The following OBSL1 variants were observed in gnomAD, a reference collection of about 807,000 sequenced individuals.
The protein encoded by OBSL1 is obscurin-like protein 1.
A neutral mutation model predicts 172.0 loss-of-function variants in OBSL1; 160 were observed. That is an observed-to-expected ratio of 0.93 (90% CI 0.82 to 1.06). The LOEUF is 1.06. Ranked by LOEUF, OBSL1 falls within the 50% of genes least tolerant of loss-of-function variation. OBSL1 has a pLI of 0.00. For missense variants in OBSL1, 2,681 were observed against 2,715.4 expected (o/e 0.99, Z 0.28); for synonymous variants, 1,200 against 1,196.3 (o/e 1.00, Z -0.06).
At chr2:219,558,660 A>G (rs1268695296) in intron 9 of OBSL1, among the ~76,000 whole-genome samples, 1 of 152,210 alleles carries the variant, frequency 6.6e-6, no homozygotes, top group Non-Finnish European at 1.5e-5. Context: ...ACCACCCTCA[A>G]GAGGTGCACA....
chr2:219,555,102 T>G (rs981927783), intron 14 of OBSL1: 42 of 258,606 alleles, frequency 1.6e-4, no homozygotes, highest in Non-Finnish European at 2.7e-4. Context: ...CTTTGGCAAA[T>G]GGCCTGACCT....
chr2:219,559,182 C>A (rs763535912), intron 9 of OBSL1, 43 bp downstream of exon 9: 3 of 1,551,434 alleles, frequency 1.9e-6, no homozygotes, highest in Non-Finnish European at 2.6e-6. Context: ...TCCCTTAGCC[C>A]CCTACCTCTC....
rs1447009211 is a variant in OBSL1, at chr2:219,567,336, T to C, written c.1774A>G (p.Ile592Val). 8.1e-6 allele frequency: 13 copies of C among 1,610,694 alleles called. No individual in the cohort carries two copies. The Admixed American group carries it at 1.2e-4, about 14-fold the overall frequency. Residue 592 changes from isoleucine to valine, a missense_variant, in exon 4 of 21, where the codon ATC (isoleucine) becomes GTC (valine). By Grantham distance (29) the Ile-to-Val change is conservative. Transcript: ENST00000404537. Reference protein sequence around the residue: ...VPSEGDYRFRICTVSGHGRSP... With the variant: ...VPSEGDYRFRVCTVSGHGRSP... The stretch of plus-strand genomic sequence containing the variant: ...CGGCCATGTCCGCTGACTGTGCAGA[T>C]GCGGAAGCGGTAGTCACCCTCGGAG...
chr2:219,567,345 G>C lies in OBSL1; in HGVS notation c.1765C>G (p.Arg589Gly), dbSNP rs751111284. The C allele has an allele frequency of 2.4e-5, 39 of 1,611,164 alleles. No individual in the cohort carries two copies. The highest frequency in any genetic ancestry group is 1.6e-4 in the Middle Eastern group (1 of 6,068). The change falls in exon 4 of 21, where the codon CGC becomes GGC. Residue 589 changes from arginine to glycine, a missense_variant. Arg to Gly is a moderately radical substitution (Grantham distance 125). Around this residue, in one of 5 missense-constraint regions of OBSL1, gnomAD observed 706 missense variants for 695.8 expected, o/e 1.01. Coordinates refer to ENST00000404537, the MANE Select transcript of OBSL1 (RefSeq NM_015311.3). ...GDCVPSEGDY[R>G]FRICTVSGHG... ...CCGCTGACTGTGCAGATGCGGAAGC[G>C]GTAGTCACCCTCGGAGGGCACACAG...
chr2:219,567,897 G>A lies in OBSL1; in HGVS notation c.1355C>T (p.Thr452Ile), dbSNP rs1247706787. 63 of 1,613,902 alleles carry A rather than the reference G, an allele frequency of 3.9e-5. No homozygotes were observed. The highest frequency in any genetic ancestry group is 5.3e-5 in the Non-Finnish European group (63 of 1,179,898). ...EGENAVLLVE[T>I]LEAGVEGRWS... ...GCGTCCCTCGACCCCGGCCTCTAGA[G>A]TTTCCACTAGCAGCACAGCATTCTC... is the stretch of plus-strand genomic sequence containing the variant. Residue 452 changes from threonine (T) to isoleucine (I), a missense_variant, in exon 3 of 21, where the codon ACT (threonine) becomes ATT (isoleucine). Thr to Ile is a moderately conservative substitution (Grantham distance 89). Coordinates refer to ENST00000404537, the MANE Select transcript of OBSL1 (RefSeq NM_015311.3).
At position 219,552,860 on chromosome 2, in the gene OBSL1, G is replaced by A. The variant is rs1379516660; in HGVS notation, c.5146+8C>T. On this transcript the variant is annotated splice_region_variant and intron_variant, in intron 17 of 20. Transcript: ENST00000404537. Reference sequence around the variant, plus strand: ...CAGTGCCCAGCCTCCACATCACCCCGTACCCACCGCGCACGGTCAGGCGGA... The same window carrying A: ...CAGTGCCCAGCCTCCACATCACCCCATACCCACCGCGCACGGTCAGGCGGA... 155 of 1,543,062 alleles carry A rather than the reference G, an allele frequency of 1.0e-4. No homozygotes were observed. Among genetic ancestry groups the A allele is most frequent in the Non-Finnish European group, 1.3e-4 (154 of 1,145,436 alleles).
Position 219,566,912 on chromosome 2 carries a change from A to G in OBSL1, c.2052T>C (p.His684=). 6.2e-7 allele frequency: 1 copy of G among 1,611,168 alleles called. No homozygotes were observed. Residue 684 remains histidine, a synonymous_variant, in exon 5 of 21, where the codon CAT becomes CAC. Transcript: ENST00000404537. ...QKGLQHRLIL[H]AVKHQDSGAL... is the part of the protein sequence containing the mutation. The stretch of plus-strand genomic sequence containing the variant: ...CACCGCTGTCCTGGTGCTTGACGGC[A>G]TGCAGGATGAGTCTGTGCTGCAGAC...
At chr2:219,552,488 C>A (rs937411622) in intron 18 of OBSL1, 48 bp downstream of exon 18, 2 of 1,541,000 alleles carry the variant, frequency 1.3e-6, no homozygotes, top group African/African-American at 2.7e-5. Context: ...TCTGTTCGAG[C>A]CTGGGCGGGG....
In OBSL1 at chr2:219,566,981, G is replaced by T; in HGVS notation, c.1983C>A (p.Gly661=). The change falls in exon 5 of 21, where the codon GGC becomes GGA. Residue 661 remains glycine (G), a synonymous_variant. Coordinates refer to ENST00000404537, the MANE Select transcript of OBSL1 (RefSeq NM_015311.3). ...ACCGCAGGGCCCCAGGTTCCACCTG[G>T]CCCTCCGGCTCGTTACTCTTGAGCT... ...GEELKSNEPE[G]QVEPGALRYR... is the part of the protein sequence containing the mutation. 1 of 1,613,780 alleles carries T rather than the reference G, an allele frequency of 6.2e-7. No individual in the cohort carries two copies. The highest frequency in any genetic ancestry group is 8.5e-7 in the Non-Finnish European group (1 of 1,179,888).
chr2:219,563,284 G>C (rs1394457991), intron 7 of OBSL1, 71 bp downstream of exon 7: 3 of 1,428,786 alleles, frequency 2.1e-6, no homozygotes, highest in African/African-American at 1.4e-5. Context: ...TGGGAGTGAA[G>C]GTGTGGCAGC....
chr2:219,552,644 C>G lies in OBSL1; in HGVS notation c.5200G>C (p.Asp1734His), dbSNP rs747582606. 2.6e-6 allele frequency: 4 copies of G among 1,550,780 alleles called. No homozygotes were observed. Among genetic ancestry groups the G allele is most frequent in the Admixed American group, 1.9e-5 (1 of 53,460 alleles). ...ELRSVSAREG[D>H]GATFECTVSE... ...ACGGTGCACTCGAACGTAGCGCCGTCGCCTTCGCGGGCGCTCACCGACCGC... is the reference window on the plus strand; with the variant it reads ...ACGGTGCACTCGAACGTAGCGCCGTGGCCTTCGCGGGCGCTCACCGACCGC... Residue 1734 changes from aspartate to histidine, a missense_variant, in exon 18 of 21, where the codon GAC becomes CAC. Physicochemically the swap from Asp to His is moderately conservative, Grantham distance 81. This residue lies in a region of OBSL1 where 1,765 missense variants were observed against 1,748.3 expected (regional missense o/e 1.01). Transcript: ENST00000404537.
intron 1 of OBSL1, among the ~76,000 whole-genome samples, chr2:219,569,734 TAATTCA>T (rs1697198849): frequency 6.6e-6 from 1 of 152,248 alleles, no homozygotes; most frequent in Non-Finnish European, 1.5e-5. Flanking sequence ...ATGCAGCCTT[TAATTCA>T]AATTCCTGTA....
In OBSL1 at chr2:219,568,037, C is replaced by G. The variant is rs1472929125; in HGVS notation, c.1282+18G>C. 2.5e-6 allele frequency: 4 copies of G among 1,608,622 alleles called. No homozygotes were observed. Among genetic ancestry groups the G allele is most frequent in the Middle Eastern group, 1.7e-4 (1 of 6,044 alleles). On this transcript the variant is annotated intron_variant, in intron 2 of 20. Coordinates refer to ENST00000404537, the MANE Select transcript of OBSL1 (RefSeq NM_015311.3). The surrounding 1 kb of genome is among the most constrained non-coding windows in gnomAD (Gnocchi z 4.1). Reference sequence around the variant, plus strand: ...CTGCCTGCCTCCGCCTCAGCCTCTTCCCCACGGGCCAGCTGACCTTTGACT... The same window carrying G: ...CTGCCTGCCTCCGCCTCAGCCTCTTGCCCACGGGCCAGCTGACCTTTGACT...
At chr2:219,555,120 C>A in intron 14 of OBSL1, 1 of 232,978 alleles carries the variant, frequency 4.3e-6, no homozygotes, top group Non-Finnish European at 8.4e-6. Context: ...CCTCTCTGGA[C>A]CCCAGTTGCC....
At chr2:219,548,127 A>G, downstream of OBSL1, 4 of 1,455,908 alleles carry the variant, frequency 2.7e-6, no homozygotes, top group Non-Finnish European at 3.6e-6. Flanking sequence ...GTGGGTGGCC[A>G]GGGATGGGTT....
At chr2:219,547,298 G>T (rs145509165), downstream of OBSL1, 3,889 of 451,990 alleles carry the variant, frequency 8.6e-3, 29 homozygotes, top group Non-Finnish European at 0.011. Flanking sequence ...CCTTCCCATT[G>T]ACCACCAACA....
At chr2:219,552,736 G>C in intron 17 of OBSL1, 39 bp from the exon 18 acceptor site, 2 of 1,514,202 alleles carry the variant, frequency 1.3e-6, no homozygotes. Flanking sequence ...GCGGGGCAGA[G>C]GGCAGTTACC....
chr2:219,551,465 G>A (rs1695605737), intron 20 of OBSL1, 64 bp downstream of exon 20: 13 of 1,504,552 alleles, frequency 8.6e-6, no homozygotes, highest in Non-Finnish European at 8.9e-6. Flanking sequence ...CCATAGGTGT[G>A]GCTTAACCCA....
chr2:219,566,977 C>A lies in OBSL1; in HGVS notation c.1987G>T (p.Val663Leu), dbSNP rs1349568437. The change falls in exon 5 of 21, where the codon GTG (valine) becomes TTG (leucine). Residue 663 changes from valine to leucine, a missense_variant. Physicochemically the swap from Val to Leu is conservative, Grantham distance 32. This residue lies in a region of OBSL1 where 1,765 missense variants were observed against 1,748.3 expected (regional missense o/e 1.01). Coordinates refer to ENST00000404537, the MANE Select transcript of OBSL1 (RefSeq NM_015311.3). ...CGGTACCGCAGGGCCCCAGGTTCCA[C>A]CTGGCCCTCCGGCTCGTTACTCTTG... Reference protein sequence around the residue: ...ELKSNEPEGQVEPGALRYRIE... With the variant: ...ELKSNEPEGQLEPGALRYRIE... The A allele has an allele frequency of 3.1e-6, 5 of 1,613,712 alleles. No individual in the cohort carries two copies. In the African/African-American group the frequency reaches 6.7e-5, roughly 22 times the overall value.
Sources: allele counts gnomAD v4.1 joint callset (sites outside exome capture counted in the v4.1 genomes callset), GRCh38; gene constraint gnomAD v4.1.1; regional missense constraint gnomAD v4.1.1; non-coding constraint Gnocchi (gnomAD v3.1); transcripts MANE v1.5; gene names NCBI Gene and HGNC (gene_info 2026-07-23, HGNC 2026-07-21).